NAV2: variants seen among roughly 807,000 people sequenced by gnomAD.
The protein encoded by NAV2 is helicase, APC down-regulated 1.
In NAV2, 54 loss-of-function variants were observed where a neutral mutation model predicts 223.2. That is an observed-to-expected ratio of 0.24 (90% CI 0.19 to 0.30). The LOEUF (loss-of-function observed/expected upper bound fraction) is 0.30. Ranked by LOEUF, NAV2 falls within the 10% of genes least tolerant of loss-of-function variation. The pLI, the probability that NAV2 is intolerant of heterozygous loss-of-function variation, is 1.00. For missense variants in NAV2, 2,806 were observed against 3,147.5 expected (o/e 0.89, Z 2.60); for synonymous variants, 1,279 against 1,239.3 (o/e 1.03, Z -0.67).
chr11:19,939,553 G>T, intron 7 of NAV2, 108 bp from the exon 8 acceptor site: 1 of 742,408 alleles, frequency 1.3e-6, no homozygotes. Context: ...CTGTTCTGAA[G>T]CTTCTTGCTA....
intron 1 of NAV2, among the ~76,000 whole-genome samples, chr11:19,443,920 A>G (rs1402691807): frequency 6.6e-6 from 1 of 152,152 alleles, no homozygotes; most frequent in Non-Finnish European, 1.5e-5. Flanking sequence ...TCCTCTTATT[A>G]TTATTATTAT....
intron 11 of NAV2, among the ~76,000 whole-genome samples, chr11:20,026,411 C>T (rs1021432119): frequency 5.9e-5 from 9 of 152,038 alleles, no homozygotes; most frequent in African/African-American, 1.4e-4. Context: ...CCCAGGTTCA[C>T]GCCATTCTCC....
intron 1 of NAV2, among the ~76,000 whole-genome samples, chr11:19,576,070 A>G (rs2045562552): frequency 6.6e-6 from 1 of 152,202 alleles, no homozygotes; most frequent in African/African-American, 2.4e-5. Flanking sequence ...CATCTAGTGT[A>G]TGGCAGAAAA....
intron 1 of NAV2, among the ~76,000 whole-genome samples, chr11:19,603,995 A>G (rs2046415960): frequency 6.6e-6 from 1 of 152,166 alleles, no homozygotes; most frequent in South Asian, 2.1e-4. Context: ...GGGCATGTTC[A>G]AGGAACAGCA....
chr11:19,487,175 G>T (rs1487187), intron 1 of NAV2, among the ~76,000 whole-genome samples: 1 of 152,056 alleles, frequency 6.6e-6, no homozygotes. Context: ...GAAGCAGAGA[G>T]AGGATGCAGC....
At chr11:19,973,145 A>G (rs767293241) in intron 10 of NAV2, among the ~76,000 whole-genome samples, 17 of 152,228 alleles carry the variant, frequency 1.1e-4, no homozygotes, top group Non-Finnish European at 1.8e-4. Context: ...TGAAACTTGC[A>G]TGAACCTAAG....
At chr11:19,812,943 A>G (rs963764593) in intron 1 of NAV2, among the ~76,000 whole-genome samples, 2 of 152,104 alleles carry the variant, frequency 1.3e-5, no homozygotes, top group African/African-American at 4.8e-5. Context: ...GGCAGGAGGC[A>G]AGGCCTGAAA....
At chr11:19,952,104 A>G (rs1254010057) in intron 10 of NAV2, among the ~76,000 whole-genome samples, 1 of 152,260 alleles carries the variant, frequency 6.6e-6, no homozygotes, top group Non-Finnish European at 1.5e-5. Context: ...CGCAGAGTTC[A>G]GAGCAAGACA....
At chr11:19,819,055 C>A (rs4757850) in intron 1 of NAV2, among the ~76,000 whole-genome samples, 122,235 of 152,048 alleles carry the variant, frequency 0.8, 51,315 homozygotes, top group East Asian at 0.97. Context: ...ACTTTCTTCC[C>A]TTCATCCATC....
intron 1 of NAV2, among the ~76,000 whole-genome samples, chr11:19,471,779 G>A (rs1033551196): frequency 2.0e-5 from 3 of 152,156 alleles, no homozygotes; most frequent in African/African-American, 7.2e-5. Flanking sequence ...GGAGCTGCGG[G>A]CCCTACTGCA....
At chr11:19,830,140 T>G (rs371987734) in intron 1 of NAV2, among the ~76,000 whole-genome samples, 2 of 152,036 alleles carry the variant, frequency 1.3e-5, no homozygotes, top group African/African-American at 2.4e-5. Flanking sequence ...CAGGAGAATT[T>G]CTTGAACCCG....
chr11:20,062,286 C>A, intron 19 of NAV2, 21 bp from the exon 20 acceptor site: 1 of 1,380,294 alleles, frequency 7.2e-7, no homozygotes, highest in Non-Finnish European at 9.9e-7. Flanking sequence ...ATCAATTCAC[C>A]TTTTTTTTTT....
chr11:19,818,198 T>G (rs11025267), intron 1 of NAV2, among the ~76,000 whole-genome samples: 46,665 of 149,094 alleles, frequency 0.31, 7,926 homozygotes, highest in East Asian at 0.61. Flanking sequence ...ATAACTCATG[T>G]TTTTTTCCTG....
In NAV2 at chr11:19,960,388, T is replaced by C. The variant is rs913332445; in HGVS notation, c.2645+11308T>C. ...CCCACACTCTGGCTTTATACTGTTT[T>C]TATTAATAAAGAAAATGAAGACCCT... On this transcript the variant is annotated intron_variant, in intron 10 of 37. Coordinates refer to ENST00000349880, the MANE Select transcript of NAV2 (RefSeq NM_145117.5). Among the ~76,000 whole-genome samples, 14 of 152,114 alleles carry C rather than the reference T, an allele frequency of 9.2e-5. 1 individual carries two copies. The South Asian group carries it at 2.5e-3, about 27-fold the overall frequency.
intron 1 of NAV2, among the ~76,000 whole-genome samples, chr11:19,677,714 G>T (rs1035349015): frequency 6.6e-6 from 1 of 152,236 alleles, no homozygotes; most frequent in East Asian, 1.9e-4. Flanking sequence ...ATCTACAGAG[G>T]CCAGCAAACT....
chr11:19,428,177 G>GT (rs758128448), intron 1 of NAV2, among the ~76,000 whole-genome samples: 10 of 151,942 alleles, frequency 6.6e-5, no homozygotes, highest in East Asian at 1.9e-4. Context: ...AGAAGTCAGG[G>GT]TTTTTTTTGT....
intron 3 of NAV2, among the ~76,000 whole-genome samples, chr11:19,852,442 A>G (rs2061195048): frequency 1.3e-5 from 2 of 152,190 alleles, no homozygotes; most frequent in Non-Finnish European, 2.9e-5. Context: ...AGAGACCCAC[A>G]GTTTTTTATT....
At chr11:19,503,029 T>A (rs2043008030) in intron 1 of NAV2, 1 of 152,238 alleles carries the variant, frequency 6.6e-6, no homozygotes, top group Non-Finnish European at 1.5e-5. Context: ...TTCTTCAGTT[T>A]CCAACATGAT....
At chr11:19,469,033 T>C (rs1460482626) in intron 1 of NAV2, among the ~76,000 whole-genome samples, 1 of 152,194 alleles carries the variant, frequency 6.6e-6, no homozygotes, top group African/African-American at 2.4e-5. Flanking sequence ...TTAAATGAGA[T>C]AATTCGTGGA....
Sources: gnomAD v4.1 joint callset for allele counts (sites outside exome capture counted in the v4.1 genomes callset) on GRCh38, gnomAD v4.1.1 for gene constraint, MANE v1.5 for transcripts, NCBI Gene and HGNC (gene_info 2026-07-23, HGNC 2026-07-21) for gene names.